The following RAB11B variants were observed in gnomAD, a reference collection of about 807,000 sequenced individuals.
RAB11B encodes RAB11B, member RAS oncogene family, also known as ras-related protein Rab-11B.
RAB11B carries 7 observed loss-of-function variants against 23.7 expected under a neutral mutation model. The observed-to-expected ratio is 0.29, with a 90% confidence interval of 0.17 to 0.55. RAB11B has a LOEUF of 0.55. RAB11B is among the 20% of genes least tolerant of loss of function. The pLI is 0.93. For missense variants in RAB11B, 189 were observed against 320.0 expected, an observed-to-expected ratio of 0.59 and a Z score of 3.12; for synonymous variants, 138 against 132.0, an observed-to-expected ratio of 1.05 and a Z score of -0.31.
At chr19:8,402,618 C>A (rs778324427) in intron 4 of RAB11B, 53 bp downstream of exon 4, 2 of 1,380,292 alleles carry the variant, frequency 1.4e-6, no homozygotes, top group Admixed American at 1.8e-5. Flanking sequence ...CAGGGTGGAA[C>A]ACGGCCTCTG....
At chr19:8,390,669 G>A (rs1211608094) in intron 1 of RAB11B, 4 of 465,130 alleles carry the variant, frequency 8.6e-6, no homozygotes, top group Admixed American at 4.6e-5. Flanking sequence ...GAGAGACCTG[G>A]GGGACCTAGG....
chr19:8,403,838 G>A lies in RAB11B; in HGVS notation c.*280G>A, dbSNP rs1341660475. ...GCAGGATGGACGGGGCTGGCCAGAG[G>A]CGAGGAGGACGGGCGGACGGCGCCG... On this transcript the variant is annotated 3_prime_UTR_variant, in exon 5 of 5. Coordinates refer to ENST00000328024, the MANE Select transcript of RAB11B (RefSeq NM_004218.4). The A allele has an allele frequency of 2.5e-6, 1 of 407,970 alleles. No homozygotes were observed. The highest frequency in any genetic ancestry group is 4.4e-6 in the Non-Finnish European group (1 of 229,580). 25.3% of individuals were successfully genotyped at this position (407,970 alleles called of 1,614,324 possible). A position where few individuals can be genotyped will look rare whatever the true frequency, so the allele number is the denominator to read the frequency against.
At chr19:8,398,947 A>G (rs1218908762) in intron 1 of RAB11B, among the ~76,000 whole-genome samples, 1 of 126,016 alleles carries the variant, frequency 7.9e-6, no homozygotes, top group African/African-American at 3.0e-5. Flanking sequence ...CCAGCTAATT[A>G]TTATTATTAT....
chr19:8,402,454 C>T, intron 3 of RAB11B, 31 bp from the exon 4 acceptor site: 1 of 1,600,662 alleles, frequency 6.2e-7, no homozygotes, highest in Non-Finnish European at 8.6e-7. Flanking sequence ...CCCTGCCTCC[C>T]CACTCACCTA....
intron 4 of RAB11B, among the ~76,000 whole-genome samples, 192 bp from the exon 5 acceptor site, chr19:8,403,221 G>A (rs1010940133): frequency 3.3e-5 from 5 of 152,178 alleles, no homozygotes; most frequent in Non-Finnish European, 7.4e-5. Context: ...CTTAGGGAGC[G>A]AGAGGCCGGG....
chr19:8,394,251 G>A (rs894495446), intron 1 of RAB11B, among the ~76,000 whole-genome samples: 2 of 152,198 alleles, frequency 1.3e-5, no homozygotes, highest in African/African-American at 4.8e-5. Flanking sequence ...CGCCTCCTGG[G>A]TTCAAATGAT....
intron 1 of RAB11B, among the ~76,000 whole-genome samples, 161 bp from the exon 2 acceptor site, chr19:8,399,702 A>G (rs2145511340): frequency 6.6e-6 from 1 of 152,186 alleles, no homozygotes; most frequent in African/African-American, 2.4e-5. Flanking sequence ...CTTCTGCACC[A>G]CTTAGCACAG....
At chr19:8,401,856 T>G (rs1399422450) in intron 2 of RAB11B, among the ~76,000 whole-genome samples, 1 of 152,190 alleles carries the variant, frequency 6.6e-6, no homozygotes, top group Non-Finnish European at 1.5e-5. Flanking sequence ...TCACGGTATC[T>G]TCTATTTCCA....
In RAB11B at chr19:8,390,381, T is replaced by C. The variant is rs1971336843; in HGVS notation, c.-36T>C. 6.6e-7 allele frequency: 1 copy of C among 1,521,136 alleles called. No individual in the cohort carries two copies. Among genetic ancestry groups the C allele is most frequent in the Non-Finnish European group, 8.8e-7 (1 of 1,138,088 alleles). The allele number at this position is 1,521,136 out of a possible 1,614,324, so 94.2% of individuals were successfully genotyped here. On this transcript the variant is annotated 5_prime_UTR_variant, in exon 1 of 5. Transcript: ENST00000328024. ...CCCCGTCGGGTGTTTGTGGTGGGGC[T>C]GCGGAGTCGCCGATCCCGCCGGAAG...
chr19:8,394,372 C>G (rs1295989001), intron 1 of RAB11B, among the ~76,000 whole-genome samples: 1 of 152,134 alleles, frequency 6.6e-6, no homozygotes, highest in Non-Finnish European at 1.5e-5. Context: ...ACAGGCTGGT[C>G]TCGAACTCCT....
rs1158123713 is a variant in RAB11B, at chr19:8,402,067, T to C, written c.237-19T>C. 5.1e-6 allele frequency: 8 copies of C among 1,560,378 alleles called. No homozygotes were observed. The South Asian group carries it at 8.3e-5, about 16-fold the overall frequency. ...CATGGTTGTCCTCCAGAGAGGCTCA[T>C]GGGCCCCTGACCCTGCAGGTACTAC... On this transcript the variant is annotated intron_variant, in intron 2 of 4. Coordinates refer to ENST00000328024, the MANE Select transcript of RAB11B (RefSeq NM_004218.4).
At chr19:8,391,546 T>C (rs931629126) in intron 1 of RAB11B, among the ~76,000 whole-genome samples, 16 of 151,516 alleles carry the variant, frequency 1.1e-4, no homozygotes, top group Admixed American at 4.6e-4. Flanking sequence ...CAGCTGAGCC[T>C]TCTGTGCCCA....
In RAB11B at chr19:8,392,300, T is replaced by C. The variant is rs562852835; in HGVS notation, c.40+1844T>C. Among the ~76,000 whole-genome samples the C allele has an allele frequency of 2.0e-5, 3 of 152,324 alleles. No homozygotes were observed. The South Asian group carries it at 6.2e-4, about 32-fold the overall frequency. ...GCTTGCTCAAGTCATGGTTTTGCCC[T>C]TTAGATTATTTCCTTGAAGTGCGTT... On this transcript the variant is annotated intron_variant, in intron 1 of 4. Transcript: ENST00000328024.
intron 1 of RAB11B, among the ~76,000 whole-genome samples, chr19:8,397,001 T>C (rs1971402610): frequency 6.6e-6 from 1 of 152,176 alleles, no homozygotes; most frequent in South Asian, 2.1e-4. Context: ...CTCCCTTCTC[T>C]TGGATCTGTT....
Position 8,399,908 on chromosome 19 carries a change from C to CG in RAB11B, c.87dup (p.Arg30AlafsTer71). 6.2e-7 allele frequency: 1 copy of CG among 1,614,224 alleles called. No individual in the cohort carries two copies. The highest frequency in any genetic ancestry group is 8.5e-7 in the Non-Finnish European group (1 of 1,180,032). ...GGCGTGGGCAAGAGCAACCTGCTGT[C>CG]GCGCTTCACCCGCAACGAGTTCAAC... On this transcript the variant is annotated frameshift_variant, in exon 2 of 5. Transcript: ENST00000328024. LOFTEE classifies it high-confidence loss of function.
At position 8,402,198 on chromosome 19, in the gene RAB11B, A is replaced by G. The variant is rs762618124; in HGVS notation, c.349A>G (p.Ile117Val). The stretch of plus-strand genomic sequence containing the variant: ...GCTGCGGGACCACGCAGACAGCAAC[A>G]TCGTCATCATGCTGGTGGGCAACAA... ...KELRDHADSN[I>V]VIMLVGNKSD... Residue 117 changes from isoleucine (I) to valine (V), a missense_variant, in exon 3 of 5, where the codon ATC becomes GTC. This residue lies in a region of RAB11B where 122 missense variants were observed against 170.8 expected (regional missense o/e 0.71). Transcript: ENST00000328024. 2.5e-6 allele frequency: 4 copies of G among 1,589,196 alleles called. No homozygotes were observed. Among genetic ancestry groups the G allele is most frequent in the Non-Finnish European group, 3.4e-6 (4 of 1,167,948 alleles).
intron 1 of RAB11B, among the ~76,000 whole-genome samples, chr19:8,394,226 G>T (rs907454830): frequency 6.6e-6 from 1 of 152,186 alleles, no homozygotes; most frequent in African/African-American, 2.4e-5. Flanking sequence ...CTTAGTGTCA[G>T]CTCACTGCAA....
chr19:8,403,241 G>A (rs1971452118), intron 4 of RAB11B, among the ~76,000 whole-genome samples, 172 bp from the exon 5 acceptor site: 1 of 152,164 alleles, frequency 6.6e-6, no homozygotes, highest in Non-Finnish European at 1.5e-5. Flanking sequence ...GGCTGGCTGT[G>A]ACCAGATGTG....
At position 8,401,561 on chromosome 19, in the gene RAB11B, A is replaced by G. The variant is rs1027688714; in HGVS notation, c.237-525A>G. Among the ~76,000 whole-genome samples, 6 of 148,866 alleles carry G rather than the reference A, an allele frequency of 4.0e-5. No individual in the cohort carries two copies. In the South Asian group the frequency reaches 6.3e-4, roughly 16 times the overall value. ...GCCACCACGCCTGGCTAATTTTTGT[A>G]TTTTTAGTAGAGATGGGGTTTCACC... On this transcript the variant is annotated intron_variant, in intron 2 of 4. Coordinates refer to ENST00000328024, the MANE Select transcript of RAB11B (RefSeq NM_004218.4).
Sources: allele counts gnomAD v4.1 joint callset (sites outside exome capture counted in the v4.1 genomes callset), GRCh38; gene constraint gnomAD v4.1.1; regional missense constraint gnomAD v4.1.1; transcripts MANE v1.5; gene names NCBI Gene and HGNC (gene_info 2026-07-23, HGNC 2026-07-21).